The following KCNQ3 variants were observed in gnomAD, a reference collection of about 807,000 sequenced individuals.
KCNQ3 encodes the protein potassium voltage-gated channel subfamily KQT member 3.
A neutral mutation model predicts 92.5 loss-of-function variants in KCNQ3; 30 were observed. That is an observed-to-expected ratio of 0.32 (90% CI 0.24 to 0.44). The LOEUF (loss-of-function observed/expected upper bound fraction) is 0.44, where lower values mean the gene tolerates loss of function less well. Among genes scored for constraint, KCNQ3 ranks in the 20% least tolerant of loss-of-function variants. KCNQ3 has a pLI of 1.00. For missense variants in KCNQ3, 913 were observed against 1,140.3 expected, an observed-to-expected ratio of 0.80 and a Z score of 2.87; for synonymous variants, 450 against 468.8, an observed-to-expected ratio of 0.96 and a Z score of 0.52.
At chr8:132,470,946 T>A (rs1822286763) in intron 1 of KCNQ3, among the ~76,000 whole-genome samples, 1 of 152,228 alleles carries the variant, frequency 6.6e-6, no homozygotes, top group African/African-American at 2.4e-5. Context: ...CCATTGCAGG[T>A]ATGTTGTACA....
At chr8:132,339,399 C>T (rs1389086710) in intron 1 of KCNQ3, among the ~76,000 whole-genome samples, 1 of 152,138 alleles carries the variant, frequency 6.6e-6, no homozygotes, top group Admixed American at 6.5e-5. Flanking sequence ...TGTCCTCTGC[C>T]AATTCCAAAT....
chr8:132,187,886 C>CGGTGGTGGTGGTGGTGATGGTGGT, intron 1 of KCNQ3, among the ~76,000 whole-genome samples: 1 of 26,648 alleles, frequency 3.8e-5, no homozygotes, highest in Middle Eastern at 0.019. Context: ...GTGATGGTGG[C>CGGTGGTGGTGGTGGTGATGGTGGT]GGTGGTGGTG....
intron 1 of KCNQ3, among the ~76,000 whole-genome samples, chr8:132,348,941 C>T (rs11997960): frequency 2.1e-4 from 32 of 152,328 alleles, no homozygotes; most frequent in African/African-American, 6.7e-4. Flanking sequence ...CCTGTACCCT[C>T]GGGGCCCACC....
intron 1 of KCNQ3, among the ~76,000 whole-genome samples, chr8:132,396,492 A>G (rs936871608): frequency 1.3e-5 from 2 of 151,900 alleles, no homozygotes; most frequent in African/African-American, 4.8e-5. Flanking sequence ...CAAAAGGAAG[A>G]CATTTCTTCC....
At chr8:132,167,673 A>G (rs1387085298) in intron 8 of KCNQ3, among the ~76,000 whole-genome samples, 1 of 152,236 alleles carries the variant, frequency 6.6e-6, no homozygotes, top group African/African-American at 2.4e-5. Context: ...CGTCCTTGAA[A>G]AAAGAAAGAA....
chr8:132,474,138 A>G (rs747123600), intron 1 of KCNQ3, among the ~76,000 whole-genome samples: 38 of 152,356 alleles, frequency 2.5e-4, no homozygotes, highest in Middle Eastern at 3.4e-3. Flanking sequence ...ACAGGCAAAG[A>G]AAGGGGAATC....
intron 1 of KCNQ3, among the ~76,000 whole-genome samples, chr8:132,471,904 A>T (rs1414543747): frequency 6.6e-6 from 1 of 152,186 alleles, no homozygotes; most frequent in African/African-American, 2.4e-5. Flanking sequence ...TATACAAGAA[A>T]CTCAGCAGTT....
At chr8:132,133,354 CTTTTTTTTTT>C (rs10673519) in intron 13 of KCNQ3, among the ~76,000 whole-genome samples, 1 of 103,478 alleles carries the variant, frequency 9.7e-6, no homozygotes, top group Non-Finnish European at 1.8e-5. Flanking sequence ...GCTCTCGATT[CTTTTTTTTTT>C]TTTTTTTTTT....
chr8:132,369,912 G>A (rs1445741403), intron 1 of KCNQ3, among the ~76,000 whole-genome samples: 3 of 152,284 alleles, frequency 2.0e-5, no homozygotes, highest in Non-Finnish European at 1.5e-5. Context: ...TCACAGTGAG[G>A]CTCTTTATCC....
chr8:132,293,887 C>T (rs921947117), intron 1 of KCNQ3, among the ~76,000 whole-genome samples: 3 of 152,062 alleles, frequency 2.0e-5, no homozygotes, highest in Non-Finnish European at 2.9e-5. Flanking sequence ...CTGAAAAGGA[C>T]TAGAACTCTC....
rs567599440 is a variant in KCNQ3, at chr8:132,296,497, G to A, written c.387-110316C>T. ...GTTGGTGTGCTGCACCCATTAACTC[G>A]TCTTTAGCGTTAGGTATATCTCCTA... On this transcript the variant is annotated intron_variant, in intron 1 of 14. Transcript: ENST00000388996. Among the ~76,000 whole-genome samples, 10 of 151,244 alleles carry A rather than the reference G, an allele frequency of 6.6e-5. No individual in the cohort carries two copies. The East Asian group carries it at 7.8e-4, about 12-fold the overall frequency.
chr8:132,399,547 G>C (rs987327819), intron 1 of KCNQ3, among the ~76,000 whole-genome samples: 1 of 152,104 alleles, frequency 6.6e-6, no homozygotes, highest in African/African-American at 2.4e-5. Flanking sequence ...TAAACCCTAT[G>C]ATTTGTATAA....
intron 1 of KCNQ3, among the ~76,000 whole-genome samples, chr8:132,287,376 G>C (rs57155139): frequency 0.026 from 3,924 of 152,220 alleles, 187 homozygotes; most frequent in African/African-American, 0.089. Flanking sequence ...CATTCAAGTT[G>C]AATTTGTTTT....
At chr8:132,245,047 C>A (rs1050681974) in intron 1 of KCNQ3, among the ~76,000 whole-genome samples, 1 of 151,844 alleles carries the variant, frequency 6.6e-6, no homozygotes. Context: ...ATATACATAC[C>A]TTTTTTTAGC....
At chr8:132,434,255 A>G (rs1274304498) in intron 1 of KCNQ3, among the ~76,000 whole-genome samples, 1 of 151,702 alleles carries the variant, frequency 6.6e-6, no homozygotes, top group Non-Finnish European at 1.5e-5. Context: ...AAATATTTCC[A>G]TGATATTTTT....
At chr8:132,406,162 A>C (rs148463521) in intron 1 of KCNQ3, among the ~76,000 whole-genome samples, 110 of 152,306 alleles carry the variant, frequency 7.2e-4, no homozygotes, top group African/African-American at 2.6e-3. Flanking sequence ...ATTTAACCCC[A>C]GGTATTGCCT....
In KCNQ3 at chr8:132,122,272, G is replaced by C. The variant is rs1563755490; in HGVS notation, c.*6990C>G. 1 of 152,214 alleles carries C rather than the reference G, an allele frequency of 6.6e-6. No homozygotes were observed. The highest frequency in any genetic ancestry group is 1.5e-5 in the Non-Finnish European group (1 of 68,048). 9.4% of individuals were successfully genotyped at this position (152,214 alleles called of 1,614,324 possible). A position where few individuals can be genotyped will look rare whatever the true frequency, so the allele number is the denominator to read the frequency against. On this transcript the variant is annotated 3_prime_UTR_variant, in exon 15 of 15. Coordinates refer to ENST00000388996, the MANE Select transcript of KCNQ3 (RefSeq NM_004519.4). ...CGATGAGGATTGCATGAACTTTAGA[G>C]AGAGCTATCATGTCACAAGCAACTC... is the stretch of plus-strand genomic sequence containing the variant.
chr8:132,198,496 GTTCAA>G (rs986234593), intron 1 of KCNQ3, among the ~76,000 whole-genome samples: 4 of 152,218 alleles, frequency 2.6e-5, no homozygotes, highest in Non-Finnish European at 5.9e-5. Flanking sequence ...TTTTTCCAAA[GTTCAA>G]TTTCCTATCT....
intron 1 of KCNQ3, among the ~76,000 whole-genome samples, chr8:132,372,996 C>T (rs1819515799): frequency 6.6e-6 from 1 of 152,110 alleles, no homozygotes; most frequent in Non-Finnish European, 1.5e-5. Flanking sequence ...AGAAACACGA[C>T]CAGAGATAAT....
Sources: gnomAD v4.1 joint callset for allele counts (sites outside exome capture counted in the v4.1 genomes callset) on GRCh38, gnomAD v4.1.1 for gene constraint, MANE v1.5 for transcripts, NCBI Gene and HGNC (gene_info 2026-07-23, HGNC 2026-07-21) for gene names.